Variants in PCLO observed in about 807,000 individuals in gnomAD.
PCLO encodes the protein piccolo presynaptic cytomatrix protein, also known as protein piccolo.
PCLO carries 82 observed loss-of-function variants against 427.5 expected under a neutral mutation model. The observed-to-expected ratio is 0.19, with a 90% confidence interval of 0.16 to 0.23. The LOEUF (loss-of-function observed/expected upper bound fraction) is 0.23. Among genes scored for constraint, PCLO ranks in the 10% least tolerant of loss-of-function variants. PCLO has a pLI of 1.00. For missense variants in PCLO, 6,239 were observed against 6,115.9 expected (o/e 1.02, Z -0.67); for synonymous variants, 2,357 against 2,155.4 (o/e 1.09, Z -2.59).
intron 16 of PCLO, among the ~76,000 whole-genome samples, chr7:82,829,519 A>G (rs1011975312): frequency 1.3e-5 from 2 of 152,130 alleles, no homozygotes; most frequent in Non-Finnish European, 2.9e-5. Flanking sequence ...TCGCACTTCA[A>G]CCTATTTGAA....
chr7:82,878,954 C>T (rs555115613), intron 10 of PCLO, among the ~76,000 whole-genome samples: 1 of 152,274 alleles, frequency 6.6e-6, no homozygotes, highest in Admixed American at 6.5e-5. Context: ...TTTGCTTACC[C>T]AACCTTAGTG....
At chr7:83,051,785 A>T (rs1789260789) in intron 3 of PCLO, among the ~76,000 whole-genome samples, 1 of 152,178 alleles carries the variant, frequency 6.6e-6, no homozygotes, top group Admixed American at 6.5e-5. Flanking sequence ...AAGGGCTGTC[A>T]CGACACAGCT....
At chr7:82,872,189 A>C (rs998376810) in intron 10 of PCLO, among the ~76,000 whole-genome samples, 1 of 152,054 alleles carries the variant, frequency 6.6e-6, no homozygotes, top group African/African-American at 2.4e-5. Flanking sequence ...ATACACTGGG[A>C]AAAGGTATTT....
At chr7:82,910,574 A>T in intron 7 of PCLO, among the ~76,000 whole-genome samples, 1 of 152,222 alleles carries the variant, frequency 6.6e-6, no homozygotes, top group East Asian at 1.9e-4. Flanking sequence ...CCTTCCCTCA[A>T]TACTAAAATC....
At chr7:83,012,898 T>C (rs1377957523) in intron 3 of PCLO, among the ~76,000 whole-genome samples, 5 of 152,082 alleles carry the variant, frequency 3.3e-5, no homozygotes, top group Admixed American at 1.3e-4. Flanking sequence ...ATGAGTTATA[T>C]AACTTACGAG....
Position 82,952,658 on chromosome 7 carries a change from C to T in PCLO, c.8295G>A (p.Gly2765=). 1 of 1,613,868 alleles carries T rather than the reference C, an allele frequency of 6.2e-7. No homozygotes were observed. Among genetic ancestry groups the T allele is most frequent in the Non-Finnish European group, 8.5e-7 (1 of 1,179,824 alleles). Residue 2765 remains glycine (G), a synonymous_variant, in exon 5 of 25, where the codon GGG becomes GGA. Transcript: ENST00000333891. ...AGGGTTGGACAGCACTAATTTGTTT[C>T]CCATAAACTTCATTTGCTGTGATCT... ...KRQITANEVY[G]KQISAVQPSI...
intron 15 of PCLO, 143 bp from the exon 16 acceptor site, chr7:82,835,836 G>A (rs1179332142): frequency 1.5e-6 from 1 of 659,848 alleles, no homozygotes; most frequent in Non-Finnish European, 2.7e-6. Context: ...ATGACATGAG[G>A]CAGAAAATGC....
chr7:82,970,106 A>G (rs1051113391), intron 3 of PCLO, among the ~76,000 whole-genome samples: 2 of 152,070 alleles, frequency 1.3e-5, no homozygotes, highest in Admixed American at 6.6e-5. Flanking sequence ...CAAAAATCAT[A>G]TAACATATGC....
intron 3 of PCLO, among the ~76,000 whole-genome samples, chr7:83,011,307 C>CA (rs149109342): frequency 0.025 from 3,714 of 151,556 alleles, 153 homozygotes; most frequent in African/African-American, 0.085. Flanking sequence ...ATATTTTTTT[C>CA]AAAAAAACTA....
At chr7:82,928,783 TG>T (rs1215668374) in intron 6 of PCLO, among the ~76,000 whole-genome samples, 1 of 152,152 alleles carries the variant, frequency 6.6e-6, no homozygotes, top group African/African-American at 2.4e-5. Flanking sequence ...AAGATGTAAT[TG>T]CTCATCCATA....
Position 83,156,141 on chromosome 7 carries a change from G to A in PCLO, c.500C>T (p.Ser167Phe), listed in dbSNP as rs372528729. 2 of 1,613,652 alleles carry A rather than the reference G, an allele frequency of 1.2e-6. No individual in the cohort carries two copies. Among genetic ancestry groups the A allele is most frequent in the Non-Finnish European group, 1.7e-6 (2 of 1,179,822 alleles). The change falls in exon 2 of 25, where the codon TCC becomes TTC. Residue 167 changes from serine to phenylalanine, a missense_variant. By Grantham distance (155) the Ser-to-Phe change is radical. Around this residue, in one of 5 missense-constraint regions of PCLO, gnomAD observed 4,677 missense variants for 4,468.4 expected, o/e 1.05. Coordinates refer to ENST00000333891, the MANE Select transcript of PCLO (RefSeq NM_033026.6). ...AGGGTTGAATTTATTTACAACAGAGGAAACAGCACTTAAAGCGTTAACCTC... is the reference window on the plus strand; with the variant it reads ...AGGGTTGAATTTATTTACAACAGAGAAAACAGCACTTAAAGCGTTAACCTC... ...LSEVNALSAV[S>F]SVVNKFNPFD...
intron 22 of PCLO, among the ~76,000 whole-genome samples, chr7:82,780,661 C>T (rs949388812): frequency 6.6e-5 from 10 of 152,228 alleles, no homozygotes; most frequent in African/African-American, 2.4e-4. Context: ...CATTCTCCTG[C>T]CTCAGCCTCG....
At chr7:82,838,760 T>C (rs1006785065) in intron 14 of PCLO, among the ~76,000 whole-genome samples, 2 of 151,982 alleles carry the variant, frequency 1.3e-5, no homozygotes, top group African/African-American at 4.8e-5. Context: ...TTTTGCCAAA[T>C]AATTAGCAGT....
chr7:82,999,583 T>TTAAAATATAAAATATAATATTATATA lies in PCLO; in HGVS notation c.3301-33122_3301-33097dup, dbSNP rs1206367171. Among the ~76,000 whole-genome samples the TTAAAATATAAAATATAATATTATATA allele has an allele frequency of 1.5e-4, 2 of 13,226 alleles. 1 individual carries two copies. Among genetic ancestry groups the TTAAAATATAAAATATAATATTATATA allele is most frequent in the Non-Finnish European group, 2.5e-4 (2 of 8,012 alleles). 8.7% of individuals were successfully genotyped at this position (13,226 alleles called of 152,430 possible). A position where few individuals can be genotyped will look rare whatever the true frequency, so the allele number is the denominator to read the frequency against. ...TTAAAATATAAAATATAATATTATA[T>TTAAAATATAAAATATAATATTATATA]TAAAATATAAAATATAATATTATAT... is the stretch of plus-strand genomic sequence containing the variant. On this transcript the variant is annotated intron_variant, in intron 3 of 24. Transcript: ENST00000333891.
At chr7:82,922,147 A>C (rs761328004) in intron 6 of PCLO, among the ~76,000 whole-genome samples, 37 of 152,030 alleles carry the variant, frequency 2.4e-4, no homozygotes, top group Non-Finnish European at 4.3e-4. Context: ...GGAAGTGTAA[A>C]TTAGTTCAGC....
At position 82,915,115 on chromosome 7, in the gene PCLO, G is replaced by A. The variant is rs761225212; in HGVS notation, c.12871C>T (p.Pro4291Ser). 3 of 1,590,988 alleles carry A rather than the reference G, an allele frequency of 1.9e-6. No homozygotes were observed. The highest frequency in any genetic ancestry group is 2.6e-6 in the Non-Finnish European group (3 of 1,167,906). ...KPYSSGSRSR[P>S]SSRPSSVYGL... ...TAGACAGAGGAAGGTCTGGAGGAAGGTCTGGACCTGCTGCCACTACTGTAT... is the reference window on the plus strand; with the variant it reads ...TAGACAGAGGAAGGTCTGGAGGAAGATCTGGACCTGCTGCCACTACTGTAT... Residue 4291 changes from proline (P) to serine (S), a missense_variant, in exon 7 of 25, where the codon CCT becomes TCT. Physicochemically the swap from Pro to Ser is moderately conservative, Grantham distance 74. Around this residue, in one of 5 missense-constraint regions of PCLO, gnomAD observed 680 missense variants for 677.3 expected, o/e 1.00. Coordinates refer to ENST00000333891, the MANE Select transcript of PCLO (RefSeq NM_033026.6).
At chr7:83,090,910 C>T (rs2057899) in intron 3 of PCLO, among the ~76,000 whole-genome samples, 66,801 of 151,712 alleles carry the variant, frequency 0.44, 15,097 homozygotes, top group East Asian at 0.7. Flanking sequence ...TGATTAGTAA[C>T]GAAGCCACAA....
chr7:82,937,637 T>G (rs1049322989), intron 6 of PCLO, among the ~76,000 whole-genome samples: 8 of 151,664 alleles, frequency 5.3e-5, no homozygotes, highest in African/African-American at 1.9e-4. Context: ...TAGGTAAATA[T>G]GAAAAAGAAA....
chr7:82,963,028 T>C (rs1329577831), intron 4 of PCLO, among the ~76,000 whole-genome samples: 1 of 152,020 alleles, frequency 6.6e-6, no homozygotes, highest in Non-Finnish European at 1.5e-5. Context: ...GCAAGTGTTT[T>C]TCAGTAATAC....
Sources: allele counts gnomAD v4.1 joint callset (sites outside exome capture counted in the v4.1 genomes callset), GRCh38; gene constraint gnomAD v4.1.1; regional missense constraint gnomAD v4.1.1; transcripts MANE v1.5; gene names NCBI Gene and HGNC (gene_info 2026-07-23, HGNC 2026-07-21).